Variants in VSNL1 observed in about 807,000 individuals in gnomAD.
VSNL1 encodes visinin like 1.
VSNL1 carries 6 observed loss-of-function variants against 20.4 expected under a neutral mutation model. The ratio of observed to expected loss-of-function variants is 0.29; its 90% CI spans 0.16 to 0.58. The LOEUF (loss-of-function observed/expected upper bound fraction) is 0.58. Among genes scored for constraint, VSNL1 ranks in the 20% least tolerant of loss-of-function variants. The pLI, the probability that VSNL1 is intolerant of heterozygous loss-of-function variation, is 0.90. For synonymous variants in VSNL1, 93 were observed against 86.4 expected, an observed-to-expected ratio of 1.08 and a Z score of -0.42; for missense variants, 100 against 234.5, an observed-to-expected ratio of 0.43 and a Z score of 3.75.
chr2:17,638,156 C>T (rs542736012), intron 2 of VSNL1, among the ~76,000 whole-genome samples: 1 of 152,224 alleles, frequency 6.6e-6, no homozygotes, highest in African/African-American at 2.4e-5. Context: ...AGCCCCAAGG[C>T]CAAATTGCCT....
At chr2:17,654,797 C>T (rs919353635) in intron 3 of VSNL1, among the ~76,000 whole-genome samples, 3 of 152,202 alleles carry the variant, frequency 2.0e-5, no homozygotes, top group Non-Finnish European at 4.4e-5. Context: ...CATCTTTCAA[C>T]ACTTCACCTG....
intron 1 of VSNL1, among the ~76,000 whole-genome samples, chr2:17,584,718 AT>A (rs1302903477): frequency 1.3e-5 from 2 of 152,140 alleles, no homozygotes; most frequent in Non-Finnish European, 2.9e-5. Context: ...ATGAGAAGAC[AT>A]GATTCTGAAG....
intron 2 of VSNL1, among the ~76,000 whole-genome samples, chr2:17,603,604 A>C (rs891638559): frequency 4.6e-5 from 7 of 152,078 alleles, no homozygotes; most frequent in African/African-American, 1.4e-4. Flanking sequence ...TATCAGGGGG[A>C]AAGTGAGATG....
chr2:17,568,526 T>C (rs947339881), intron 1 of VSNL1, among the ~76,000 whole-genome samples: 4 of 152,226 alleles, frequency 2.6e-5, no homozygotes, highest in Non-Finnish European at 4.4e-5. Context: ...TTTAGTTGTC[T>C]TTAAACAAGT....
chr2:17,649,479 G>A lies in VSNL1; in HGVS notation c.232G>A (p.Gly78Ser), dbSNP rs1666077050. Reference sequence around the variant, plus strand: ...CCGAACCTTCGACAAGAATGGGGACGGCACCATTGACTTCCGAGAGTTCAT... The same window carrying A: ...CCGAACCTTCGACAAGAATGGGGACAGCACCATTGACTTCCGAGAGTTCAT... ...AFRTFDKNGDGTIDFREFICA... is the reference protein window; with the variant it reads ...AFRTFDKNGDSTIDFREFICA... The change falls in exon 3 of 4, where the codon GGC (glycine) becomes AGC (serine). Residue 78 changes from glycine (G) to serine (S), a missense_variant. Gly to Ser is a moderately conservative substitution (Grantham distance 56). Coordinates refer to ENST00000295156, the MANE Select transcript of VSNL1 (RefSeq NM_003385.5). The surrounding 1 kb of genome is among the most constrained non-coding windows in gnomAD (Gnocchi z 6.4). The A allele has an allele frequency of 1.9e-6, 3 of 1,614,150 alleles. No homozygotes were observed. Among genetic ancestry groups the A allele is most frequent in the Non-Finnish European group, 2.5e-6 (3 of 1,180,018 alleles).
intron 1 of VSNL1, among the ~76,000 whole-genome samples, chr2:17,545,484 A>G (rs1663386738): frequency 6.6e-6 from 1 of 152,160 alleles, no homozygotes; most frequent in African/African-American, 2.4e-5. Flanking sequence ...TAAGTAAAAG[A>G]GGGAATATAA....
intron 1 of VSNL1, among the ~76,000 whole-genome samples, chr2:17,541,917 G>A (rs78109118): frequency 0.036 from 5,422 of 152,222 alleles, 138 homozygotes; most frequent in Non-Finnish European, 0.058. Flanking sequence ...TGCCTGATCA[G>A]TGCCCTGTGA....
intron 1 of VSNL1, among the ~76,000 whole-genome samples, chr2:17,582,583 T>C (rs1239194432): frequency 6.6e-6 from 1 of 152,044 alleles, no homozygotes; most frequent in Non-Finnish European, 1.5e-5. Context: ...TGTTGATAGG[T>C]TTACATACAG....
chr2:17,571,239 C>T (rs971024594), intron 1 of VSNL1, among the ~76,000 whole-genome samples: 2 of 152,194 alleles, frequency 1.3e-5, no homozygotes, highest in Non-Finnish European at 2.9e-5. Flanking sequence ...CTCAACCACA[C>T]TTTCCTTTAG....
intron 1 of VSNL1, among the ~76,000 whole-genome samples, chr2:17,552,214 A>G (rs1055648700): frequency 1.8e-4 from 26 of 148,356 alleles, no homozygotes; most frequent in African/African-American, 6.2e-4. Context: ...AAAAAAAAAC[A>G]AAAAAAAACT....
chr2:17,606,433 T>A, intron 2 of VSNL1, among the ~76,000 whole-genome samples: 1 of 152,212 alleles, frequency 6.6e-6, no homozygotes. Flanking sequence ...GATGATGACC[T>A]GCTTCACCTG....
At chr2:17,604,890 A>G (rs918939782) in intron 2 of VSNL1, among the ~76,000 whole-genome samples, 4 of 152,176 alleles carry the variant, frequency 2.6e-5, no homozygotes, top group Admixed American at 2.6e-4. Flanking sequence ...AGCTATACAT[A>G]CTATCATTTT....
chr2:17,619,886 C>T (rs1665315716), intron 2 of VSNL1, among the ~76,000 whole-genome samples: 1 of 151,878 alleles, frequency 6.6e-6, no homozygotes, highest in East Asian at 1.9e-4. Flanking sequence ...TGCAATCCCC[C>T]CCCAAAAGGC....
chr2:17,599,823 C>T (rs1165631106), intron 2 of VSNL1, among the ~76,000 whole-genome samples: 1 of 152,196 alleles, frequency 6.6e-6, no homozygotes. Context: ...AGTCACTCAG[C>T]CCAGCCTTCT....
chr2:17,549,090 C>T (rs142628553), intron 1 of VSNL1, among the ~76,000 whole-genome samples: 4 of 152,314 alleles, frequency 2.6e-5, no homozygotes, highest in South Asian at 2.1e-4. Context: ...CCCTGAGCAC[C>T]TGTTAAACAC....
At chr2:17,585,808 CTT>C (rs55893675) in intron 1 of VSNL1, among the ~76,000 whole-genome samples, 23 of 143,124 alleles carry the variant, frequency 1.6e-4, no homozygotes, top group Admixed American at 2.1e-4. Flanking sequence ...TTCTTTTTTT[CTT>C]TTTTTTTTTT....
chr2:17,643,619 T>C (rs1198993246), intron 2 of VSNL1, among the ~76,000 whole-genome samples: 1 of 152,114 alleles, frequency 6.6e-6, no homozygotes, highest in Admixed American at 6.5e-5. Flanking sequence ...ACCAGGTCAT[T>C]CTCGGCCCCG....
chr2:17,642,411 C>T (rs1665901950), intron 2 of VSNL1, among the ~76,000 whole-genome samples: 1 of 150,182 alleles, frequency 6.7e-6, no homozygotes, highest in Non-Finnish European at 1.5e-5. Flanking sequence ...CAGCTTCACA[C>T]CATCCTCCTG....
chr2:17,609,999 G>A (rs1344131183), intron 2 of VSNL1, among the ~76,000 whole-genome samples: 1 of 152,186 alleles, frequency 6.6e-6, no homozygotes, highest in Non-Finnish European at 1.5e-5. Context: ...CTTGCTGTGT[G>A]TCAGTCTGGC....
Sources: gnomAD v4.1 joint callset for allele counts (sites outside exome capture counted in the v4.1 genomes callset) on GRCh38, gnomAD v4.1.1 for gene constraint, Gnocchi (gnomAD v3.1) non-coding constraint, MANE v1.5 for transcripts, NCBI Gene and HGNC (gene_info 2026-07-23, HGNC 2026-07-21) for gene names.